ETS1: variants seen among roughly 807,000 people sequenced by gnomAD.
The protein encoded by ETS1 is protein C-ets-1.
In ETS1, 15 loss-of-function variants were observed where a neutral mutation model predicts 58.6. The observed-to-expected ratio is 0.26, with a 90% CI of 0.17 to 0.39. The LOEUF (loss-of-function observed/expected upper bound fraction) is 0.39, where lower values mean the gene tolerates loss of function less well. ETS1 is among the 10% of genes least tolerant of loss of function. The pLI is 1.00. For missense variants in ETS1, 417 were observed against 610.5 expected, an observed-to-expected ratio of 0.68 and a Z score of 3.34; for synonymous variants, 214 against 218.2, an observed-to-expected ratio of 0.98 and a Z score of 0.17.
chr11:128,564,373 C>A (rs774631039), intron 2 of ETS1, among the ~76,000 whole-genome samples: 3 of 152,198 alleles, frequency 2.0e-5, no homozygotes, highest in Non-Finnish European at 4.4e-5. Flanking sequence ...GCAGGCCTGA[C>A]ACGCTGCAGG....
chr11:128,579,298 A>G (rs1864815064), intron 1 of ETS1, among the ~76,000 whole-genome samples: 1 of 152,194 alleles, frequency 6.6e-6, no homozygotes, highest in Non-Finnish European at 1.5e-5. Context: ...CCTAATGTCA[A>G]TAATTTAGGA....
intron 3 of ETS1, among the ~76,000 whole-genome samples, chr11:128,534,751 T>G (rs1863948173): frequency 6.6e-6 from 1 of 152,190 alleles, no homozygotes; most frequent in Admixed American, 6.5e-5. Flanking sequence ...ACAAAGGACA[T>G]GATCTTGTTC....
intron 3 of ETS1, among the ~76,000 whole-genome samples, chr11:128,537,200 A>AT (rs1184790076): frequency 3.9e-5 from 6 of 152,022 alleles, no homozygotes; most frequent in Non-Finnish European, 8.8e-5. Context: ...TTAAAATGTG[A>AT]TTTTCTCCTG....
intron 3 of ETS1, among the ~76,000 whole-genome samples, chr11:128,497,081 G>A (rs1248500595): frequency 2.0e-5 from 3 of 152,106 alleles, no homozygotes; most frequent in Non-Finnish European, 4.4e-5. Context: ...ACATACAACT[G>A]GGTTTCTGAA....
In ETS1 at chr11:128,463,884, C is replaced by A. The variant is rs1270235857; in HGVS notation, c.1124-257G>T. The A allele has an allele frequency of 3.1e-5, 8 of 255,546 alleles. No individual in the cohort carries two copies. In the East Asian group the frequency reaches 7.2e-4, roughly 23 times the overall value. 15.8% of individuals were successfully genotyped at this position (255,546 alleles called of 1,614,324 possible). ...ATTTTGATTAACTTAAGGATCGGTT[C>A]ATTTTTATTGCTAAACAAATTCTAG... On this transcript the variant is annotated intron_variant, in intron 8 of 9. Coordinates refer to ENST00000392668, the MANE Select transcript of ETS1 (RefSeq NM_001143820.2). This position sits in a 1 kb window ranked among gnomAD's most constrained non-coding sequence, Gnocchi z 4.1.
At chr11:128,552,951 A>G in intron 3 of ETS1, among the ~76,000 whole-genome samples, 1 of 152,190 alleles carries the variant, frequency 6.6e-6, no homozygotes, top group East Asian at 1.9e-4. Flanking sequence ...GATTCTTGTT[A>G]TGGTGGTTGG....
chr11:128,562,134 G>A (rs1263267719), intron 2 of ETS1, among the ~76,000 whole-genome samples: 1 of 152,214 alleles, frequency 6.6e-6, no homozygotes, highest in African/African-American at 2.4e-5. Flanking sequence ...CGGACGCGGT[G>A]GCTCACGCCT....
At chr11:128,483,677 G>A (rs948771492) in intron 7 of ETS1, among the ~76,000 whole-genome samples, 7 of 152,188 alleles carry the variant, frequency 4.6e-5, no homozygotes, top group African/African-American at 1.4e-4. Context: ...TGATCCCTAG[G>A]CCTGCTAGGA....
intron 3 of ETS1, among the ~76,000 whole-genome samples, chr11:128,547,020 T>A (rs1043108281): frequency 5.3e-5 from 8 of 152,188 alleles, no homozygotes; most frequent in Admixed American, 2.0e-4. Flanking sequence ...TAAAGAAATA[T>A]GTTAAAGAAA....
chr11:128,560,231 G>A (rs1297158108), intron 2 of ETS1, among the ~76,000 whole-genome samples: 1 of 152,058 alleles, frequency 6.6e-6, no homozygotes, highest in Non-Finnish European at 1.5e-5. Flanking sequence ...TCCTGCCTCA[G>A]CCTCCCAAGA....
At chr11:128,490,769 A>G (rs1862776444) in intron 3 of ETS1, among the ~76,000 whole-genome samples, 193 bp from the exon 4 acceptor site, 1 of 132,946 alleles carries the variant, frequency 7.5e-6, no homozygotes, top group Non-Finnish European at 1.5e-5. Context: ...CCCAGGCTGG[A>G]GTGCAGTGGC....
Position 128,484,795 on chromosome 11 carries a change from G to C in ETS1, c.862+28C>G, listed in dbSNP as rs773008631. 9 of 1,594,522 alleles carry C rather than the reference G, an allele frequency of 5.6e-6. No individual in the cohort carries two copies. The East Asian group carries it at 2.0e-4, about 36-fold the overall frequency. ...AGTCAGGTAATTCTTGTAAACCCAA[G>C]AGCTTTTAGAGAAGAAATATGACCT... On this transcript the variant is annotated intron_variant, in intron 7 of 9. Transcript: ENST00000392668.
chr11:128,500,179 AGAG>A (rs1451264889), intron 3 of ETS1, among the ~76,000 whole-genome samples: 1 of 152,134 alleles, frequency 6.6e-6, no homozygotes, highest in Non-Finnish European at 1.5e-5. Flanking sequence ...GGGATCAGAC[AGAG>A]GAGGAGAGCT....
intron 3 of ETS1, among the ~76,000 whole-genome samples, chr11:128,532,999 C>T (rs1309648415): frequency 2.0e-5 from 3 of 152,196 alleles, no homozygotes; most frequent in African/African-American, 4.8e-5. Context: ...GAAACCTCTG[C>T]AAAGAGCCTA....
chr11:128,557,135 A>C (rs780538093), intron 2 of ETS1, among the ~76,000 whole-genome samples: 11 of 152,362 alleles, frequency 7.2e-5, no homozygotes, highest in Non-Finnish European at 1.3e-4. Context: ...TACATAATTC[A>C]AATCCCAGCT....
At chr11:128,527,674 G>T (rs1254184074) in intron 3 of ETS1, among the ~76,000 whole-genome samples, 1 of 152,116 alleles carries the variant, frequency 6.6e-6, no homozygotes, top group Non-Finnish European at 1.5e-5. Context: ...TATGAGAGAA[G>T]AGGACAGCCA....
chr11:128,538,049 T>C (rs990663964), intron 3 of ETS1, among the ~76,000 whole-genome samples: 2 of 152,218 alleles, frequency 1.3e-5, no homozygotes, highest in Non-Finnish European at 2.9e-5. Flanking sequence ...TTGTATATGG[T>C]AAATTCAGTA....
chr11:128,581,449 C>T (rs1170533470), intron 1 of ETS1, among the ~76,000 whole-genome samples: 2 of 152,090 alleles, frequency 1.3e-5, no homozygotes, highest in African/African-American at 4.8e-5. Flanking sequence ...CCATGAAATT[C>T]AACAAATGAT....
At chr11:128,543,990 T>C (rs541946475) in intron 3 of ETS1, among the ~76,000 whole-genome samples, 1 of 152,298 alleles carries the variant, frequency 6.6e-6, no homozygotes, top group Admixed American at 6.5e-5. Context: ...TTGTATTTAA[T>C]CTTAATTAAT....
Sources: allele counts gnomAD v4.1 joint callset (sites outside exome capture counted in the v4.1 genomes callset), GRCh38; gene constraint gnomAD v4.1.1; non-coding constraint Gnocchi (gnomAD v3.1); transcripts MANE v1.5; gene names NCBI Gene and HGNC (gene_info 2026-07-23, HGNC 2026-07-21).